SPTLC2: variants seen among roughly 807,000 people sequenced by gnomAD.
The protein encoded by SPTLC2 is serine palmitoyltransferase long chain base subunit 2, also known as serine palmitoyltransferase 2.
SPTLC2 carries 21 observed loss-of-function variants against 62.0 expected under a neutral mutation model. The observed-to-expected ratio is 0.34, with a 90% CI of 0.24 to 0.49. The LOEUF (loss-of-function observed/expected upper bound fraction) is 0.49, where lower values mean the gene tolerates loss of function less well. Among genes scored for constraint, SPTLC2 ranks in the 20% least tolerant of loss-of-function variants. The pLI, the probability that SPTLC2 is intolerant of heterozygous loss-of-function variation, is 0.99. For missense variants in SPTLC2, 511 were observed against 713.0 expected (o/e 0.72, Z 3.23); for synonymous variants, 261 against 261.8 (o/e 1.00, Z 0.03).
intron 1 of SPTLC2, among the ~76,000 whole-genome samples, chr14:77,612,074 C>G (rs2079941390): frequency 6.6e-6 from 1 of 152,144 alleles, no homozygotes; most frequent in East Asian, 1.9e-4. Flanking sequence ...AGAAGCTTCT[C>G]AGAAACTACC....
chr14:77,604,470 T>C (rs2079894087), intron 1 of SPTLC2, among the ~76,000 whole-genome samples: 1 of 152,226 alleles, frequency 6.6e-6, no homozygotes, highest in African/African-American at 2.4e-5. Context: ...TAACAGATAA[T>C]GATTCTATAT....
At chr14:77,552,528 G>A (rs969324209) in intron 8 of SPTLC2, among the ~76,000 whole-genome samples, 5 of 152,042 alleles carry the variant, frequency 3.3e-5, no homozygotes, top group East Asian at 1.9e-4. Context: ...AAATATGGCC[G>A]TGCATGGTGG....
intron 4 of SPTLC2, among the ~76,000 whole-genome samples, chr14:77,576,370 C>T (rs57804672): frequency 0.071 from 10,869 of 152,192 alleles, 443 homozygotes; most frequent in Middle Eastern, 0.12. Flanking sequence ...CTTAAAAGAG[C>T]TCTATAAGGC....
At chr14:77,540,439 T>C (rs566660272) in intron 9 of SPTLC2, among the ~76,000 whole-genome samples, 112 of 152,242 alleles carry the variant, frequency 7.4e-4, no homozygotes, top group Non-Finnish European at 1.4e-3. Flanking sequence ...CCATTTGATT[T>C]TGAAATGCAT....
chr14:77,553,256 T>A (rs2079564796), intron 8 of SPTLC2, among the ~76,000 whole-genome samples: 2 of 152,144 alleles, frequency 1.3e-5, no homozygotes, highest in African/African-American at 4.8e-5. Context: ...ATGAAACAGT[T>A]TTATCTCAAA....
intron 2 of SPTLC2, among the ~76,000 whole-genome samples, chr14:77,595,180 C>T (rs187714053): frequency 8.8e-4 from 134 of 152,192 alleles, no homozygotes; most frequent in African/African-American, 3.2e-3. Flanking sequence ...GCCTGGCCAA[C>T]ATGGTGAAAC....
At chr14:77,596,230 T>C (rs571744919) in intron 2 of SPTLC2, among the ~76,000 whole-genome samples, 1 of 150,992 alleles carries the variant, frequency 6.6e-6, no homozygotes, top group Non-Finnish European at 1.5e-5. Context: ...TCCCAGATAC[T>C]GGGGAGGCTG....
At chr14:77,592,127 T>C (rs964516604) in intron 2 of SPTLC2, among the ~76,000 whole-genome samples, 1 of 151,382 alleles carries the variant, frequency 6.6e-6, no homozygotes, top group African/African-American at 2.4e-5. Context: ...TACCAGAATA[T>C]TCTTAGTACG....
intron 9 of SPTLC2, among the ~76,000 whole-genome samples, chr14:77,547,111 T>C (rs1048781959): frequency 6.6e-6 from 1 of 152,152 alleles, no homozygotes; most frequent in African/African-American, 2.4e-5. Flanking sequence ...GTGATCCGCC[T>C]GCCTCGGCCT....
chr14:77,553,064 AT>A (rs1281371771), intron 8 of SPTLC2, among the ~76,000 whole-genome samples: 2 of 152,170 alleles, frequency 1.3e-5, no homozygotes, highest in Admixed American at 6.5e-5. Flanking sequence ...CTTACAAGGT[AT>A]TTTATTAAAA....
chr14:77,568,304 T>C (rs184189443), intron 5 of SPTLC2, among the ~76,000 whole-genome samples: 17 of 152,348 alleles, frequency 1.1e-4, no homozygotes, highest in African/African-American at 4.1e-4. Context: ...TAAATTCCAC[T>C]GTGATCACAG....
Position 77,509,182 on chromosome 14 carries a change from G to A in SPTLC2, c.*3102C>T, listed in dbSNP as rs1417333672. The A allele has an allele frequency of 1.3e-5, 2 of 152,226 alleles. No individual in the cohort carries two copies. Among genetic ancestry groups the A allele is most frequent in the African/African-American group, 4.8e-5 (2 of 41,536 alleles). 9.4% of individuals were successfully genotyped at this position (152,226 alleles called of 1,614,324 possible). A position where few individuals can be genotyped will look rare whatever the true frequency, so the allele number is the denominator to read the frequency against. ...ATGGCTGGATTCTTCAAACAAATAA[G>A]CAGTACTTTGGGGGTTATGGAGACT... On this transcript the variant is annotated 3_prime_UTR_variant, in exon 12 of 12. Coordinates refer to ENST00000216484, the MANE Select transcript of SPTLC2 (RefSeq NM_004863.4).
chr14:77,607,920 G>A (rs969985671), intron 1 of SPTLC2, among the ~76,000 whole-genome samples: 2 of 152,180 alleles, frequency 1.3e-5, no homozygotes, highest in South Asian at 2.1e-4. Flanking sequence ...GTACAACCAG[G>A]ATCACAAGCC....
chr14:77,578,865 G>T, intron 3 of SPTLC2, 90 bp downstream of exon 3: 1 of 1,423,080 alleles, frequency 7.0e-7, no homozygotes, highest in South Asian at 1.2e-5. Context: ...CTCCTATTTT[G>T]AGAGAATACT....
intron 2 of SPTLC2, among the ~76,000 whole-genome samples, chr14:77,580,302 GCGAAAC>G (rs2079741380): frequency 6.6e-6 from 1 of 151,938 alleles, no homozygotes; most frequent in African/African-American, 2.4e-5. Flanking sequence ...GGCCAACATG[GCGAAAC>G]CCATCGCCAC....
chr14:77,562,819 GA>G (rs2079622277), intron 5 of SPTLC2, among the ~76,000 whole-genome samples: 1 of 152,144 alleles, frequency 6.6e-6, no homozygotes, highest in Non-Finnish European at 1.5e-5. Flanking sequence ...TTCTTTACGT[GA>G]GAGAATTCCA....
At chr14:77,596,652 G>A (rs2079849361) in intron 2 of SPTLC2, among the ~76,000 whole-genome samples, 4 of 152,200 alleles carry the variant, frequency 2.6e-5, no homozygotes, top group Admixed American at 2.6e-4. Context: ...GTTGTTTACC[G>A]TAAATAGAAT....
rs140451723 is a variant in SPTLC2 at position 77,605,493 on chromosome 14, T to A, written c.133-8113A>T. 9.2e-5 allele frequency among the ~76,000 whole-genome samples: 14 copies of A among 152,348 alleles called. No individual in the cohort carries two copies. In the East Asian group the frequency reaches 2.7e-3, roughly 29 times the overall value. ...AGATTGAAGAGCTGTCTTCTATGCA[T>A]AGCAAAGAGGACTAGCAGAATTAAA... is the stretch of plus-strand genomic sequence containing the variant. On this transcript the variant is annotated intron_variant, in intron 1 of 11. Transcript: ENST00000216484.
At chr14:77,536,274 GATTA>G (rs3080460) in intron 9 of SPTLC2, among the ~76,000 whole-genome samples, 34,779 of 151,786 alleles carry the variant, frequency 0.23, 4,703 homozygotes, top group East Asian at 0.56. Context: ...ACCGAAAAAT[GATTA>G]ATTTTGTTAT....
Sources: allele counts gnomAD v4.1 joint callset (sites outside exome capture counted in the v4.1 genomes callset), GRCh38; gene constraint gnomAD v4.1.1; transcripts MANE v1.5; gene names NCBI Gene and HGNC (gene_info 2026-07-23, HGNC 2026-07-21).